USP15: variants seen among roughly 807,000 people sequenced by gnomAD.
The protein encoded by USP15 is ubiquitin specific peptidase 15.
A neutral mutation model predicts 127.1 loss-of-function variants in USP15; 18 were observed. The ratio of observed to expected loss-of-function variants is 0.14; its 90% CI spans 0.10 to 0.21. The LOEUF (loss-of-function observed/expected upper bound fraction) is 0.21, where lower values mean the gene tolerates loss of function less well. Among genes scored for constraint, USP15 ranks in the 10% least tolerant of loss-of-function variants. The pLI is 1.00. For missense variants in USP15, 805 were observed against 1,159.9 expected (o/e 0.69, Z 4.44); for synonymous variants, 364 against 393.7 (o/e 0.92, Z 0.89).
chr12:62,309,101 A>G (rs1229626979), intron 3 of USP15, among the ~76,000 whole-genome samples: 1 of 152,126 alleles, frequency 6.6e-6, no homozygotes, highest in African/African-American at 2.4e-5. Flanking sequence ...CAAAATAGAA[A>G]ACAAACCTAC....
chr12:62,404,210 A>T lies in USP15; in HGVS notation c.2781A>T (p.Val927=), dbSNP rs187705292. Reference sequence around the variant, plus strand: ...TTTGACAGTCCAAAGCAGCATATGTACTCTTCTACCAGAGACAAGACACTT... The same window carrying T: ...TTTGACAGTCCAAAGCAGCATATGTTCTCTTCTACCAGAGACAAGACACTT... The part of the protein sequence containing the change: ...EDQIVSKAAY[V]LFYQRQDTFS... The change falls in exon 22 of 22, where the codon GTA becomes GTT. Residue 927 remains valine, a synonymous_variant. Coordinates refer to ENST00000280377, the MANE Select transcript of USP15 (RefSeq NM_001252078.2). 4.3e-6 allele frequency: 7 copies of T among 1,612,442 alleles called. No homozygotes were observed. In the Admixed American group the frequency reaches 1.2e-4, roughly 27 times the overall value.
intron 8 of USP15, among the ~76,000 whole-genome samples, chr12:62,380,431 A>C (rs2066957477): frequency 6.6e-6 from 1 of 152,062 alleles, no homozygotes; most frequent in South Asian, 2.1e-4. Context: ...GTGTGAATTC[A>C]ACAGGCTGAA....
chr12:62,404,206 A>G lies in USP15; in HGVS notation c.2777A>G (p.Tyr926Cys). The G allele has an allele frequency of 6.2e-7, 1 of 1,612,460 alleles. No homozygotes were observed. The highest frequency in any genetic ancestry group is 8.5e-7 in the Non-Finnish European group (1 of 1,179,076). The part of the protein sequence containing the change: ...SEDQIVSKAA[Y>C]VLFYQRQDTF... ...TTGTTTTGACAGTCCAAAGCAGCAT[A>G]TGTACTCTTCTACCAGAGACAAGAC... Residue 926 changes from tyrosine to cysteine, a missense_variant, in exon 22 of 22, where the codon TAT (tyrosine) becomes TGT (cysteine). Coordinates refer to ENST00000280377, the MANE Select transcript of USP15 (RefSeq NM_001252078.2).
intron 1 of USP15, among the ~76,000 whole-genome samples, chr12:62,286,205 TA>T (rs1267950429): frequency 6.6e-6 from 1 of 151,946 alleles, no homozygotes; most frequent in East Asian, 1.9e-4. Context: ...AAACGCCCAT[TA>T]AAAAGTGGAC....
chr12:62,395,981 G>A (rs149114512), intron 19 of USP15, among the ~76,000 whole-genome samples: 149 of 152,066 alleles, frequency 9.8e-4, no homozygotes, highest in Middle Eastern at 3.4e-3. Flanking sequence ...GTTAGCTGTT[G>A]TGACCATTGC....
chr12:62,411,013 A>AC lies in USP15; in HGVS notation c.*6640dup, dbSNP rs2068027390. Reference sequence around the variant, plus strand: ...CACCTTGGTTGCAACACCATGAAAGACCTTGATCCAGAGGTTCTCAGCAAG... The same window carrying AC: ...CACCTTGGTTGCAACACCATGAAAGACCCTTGATCCAGAGGTTCTCAGCAAG... On this transcript the variant is annotated 3_prime_UTR_variant, in exon 22 of 22. Transcript: ENST00000280377. The AC allele has an allele frequency of 6.6e-6, 1 of 152,132 alleles. No homozygotes were observed. Among genetic ancestry groups the AC allele is most frequent in the Non-Finnish European group, 1.5e-5 (1 of 68,014 alleles). The allele number at this position is 152,132 out of a possible 1,614,324, so 9.4% of individuals were successfully genotyped here. A position where few individuals can be genotyped will look rare whatever the true frequency, so the allele number is the denominator to read the frequency against.
chr12:62,402,482 G>T (rs1046364607), intron 21 of USP15, among the ~76,000 whole-genome samples: 5 of 152,014 alleles, frequency 3.3e-5, no homozygotes, highest in African/African-American at 1.2e-4. Context: ...GCACAGGGAA[G>T]TTCATGTGGT....
At chr12:62,359,849 C>T (rs1428266193) in intron 8 of USP15, among the ~76,000 whole-genome samples, 1 of 152,110 alleles carries the variant, frequency 6.6e-6, no homozygotes, top group Non-Finnish European at 1.5e-5. Context: ...TTGGTTACCC[C>T]TAGCCCCTGC....
rs1241211865 is a variant in USP15 at position 62,413,114 on chromosome 12, G to T, written c.*8739G>T. ...TCTCCATAGAGCTCTTGGGTGACCA[G>T]GTGCACTTGTCAATGAGCAGTAATA... On this transcript the variant is annotated 3_prime_UTR_variant, in exon 22 of 22. Coordinates refer to ENST00000280377, the MANE Select transcript of USP15 (RefSeq NM_001252078.2). 2 of 152,158 alleles carry T rather than the reference G, an allele frequency of 1.3e-5. No homozygotes were observed. Among genetic ancestry groups the T allele is most frequent in the Non-Finnish European group, 2.9e-5 (2 of 68,036 alleles). The allele number at this position is 152,158 out of a possible 1,614,324, so 9.4% of individuals were successfully genotyped here.
intron 5 of USP15, among the ~76,000 whole-genome samples, chr12:62,322,918 T>C (rs2065025290): frequency 6.6e-6 from 1 of 152,206 alleles, no homozygotes; most frequent in Non-Finnish European, 1.5e-5. Context: ...TGATGTGTTA[T>C]TCCATCTGCC....
intron 19 of USP15, among the ~76,000 whole-genome samples, chr12:62,394,054 G>A (rs991514203): frequency 2.0e-5 from 3 of 152,058 alleles, no homozygotes; most frequent in Admixed American, 1.3e-4. Context: ...CACCTTGAAC[G>A]TACCCTGATC....
chr12:62,275,396 C>G (rs961516435), intron 1 of USP15, among the ~76,000 whole-genome samples: 5 of 150,758 alleles, frequency 3.3e-5, no homozygotes, highest in Admixed American at 2.0e-4. Context: ...GTATCACCCC[C>G]CCACCCAAAA....
intron 1 of USP15, among the ~76,000 whole-genome samples, chr12:62,260,849 A>G (rs2063029899): frequency 6.6e-6 from 1 of 151,748 alleles, no homozygotes; most frequent in South Asian, 2.1e-4. Flanking sequence ...AGTCTTATAT[A>G]CGCCGTTTTG....
At chr12:62,374,376 C>G in intron 8 of USP15, 3 of 985,608 alleles carry the variant, frequency 3.0e-6, no homozygotes, top group Non-Finnish European at 3.6e-6. Context: ...AGTTTGTTTT[C>G]TTTCCTGTTC....
chr12:62,303,736 A>G (rs1253902762), intron 3 of USP15: 1 of 152,166 alleles, frequency 6.6e-6, no homozygotes, highest in Non-Finnish European at 1.5e-5. Context: ...CATGTTAACA[A>G]TTTGTATTTG....
In USP15 at chr12:62,411,940, C is replaced by T. The variant is rs776015437; in HGVS notation, c.*7565C>T. ...TGACCTCATCTAAACCTAATTATCT[C>T]CTAAAGACTTCCTCTCCAAATACTA... On this transcript the variant is annotated 3_prime_UTR_variant, in exon 22 of 22. Coordinates refer to ENST00000280377, the MANE Select transcript of USP15 (RefSeq NM_001252078.2). 1 of 152,126 alleles carries T rather than the reference C, an allele frequency of 6.6e-6. No homozygotes were observed. The highest frequency in any genetic ancestry group is 1.5e-5 in the Non-Finnish European group (1 of 68,042). The allele number at this position is 152,126 out of a possible 1,614,324, so 9.4% of individuals were successfully genotyped here. A position where few individuals can be genotyped will look rare whatever the true frequency, so the allele number is the denominator to read the frequency against.
intron 6 of USP15, among the ~76,000 whole-genome samples, chr12:62,340,949 G>A (rs2065627225): frequency 6.6e-6 from 1 of 152,150 alleles, no homozygotes; most frequent in South Asian, 2.1e-4. Flanking sequence ...CTATCTCATT[G>A]ATCTGTCTAG....
chr12:62,289,673 T>C (rs2063896049), intron 1 of USP15, among the ~76,000 whole-genome samples: 1 of 149,918 alleles, frequency 6.7e-6, no homozygotes, highest in Non-Finnish European at 1.5e-5. Context: ...TCTGTTTCAT[T>C]GGGTGTGACA....
intron 8 of USP15, among the ~76,000 whole-genome samples, chr12:62,361,862 G>T (rs2066329079): frequency 6.6e-6 from 1 of 151,984 alleles, no homozygotes; most frequent in Non-Finnish European, 1.5e-5. Context: ...AGGGGAGAGG[G>T]TCAGTGAGTT....
Sources: allele counts gnomAD v4.1 joint callset (sites outside exome capture counted in the v4.1 genomes callset), GRCh38; gene constraint gnomAD v4.1.1; transcripts MANE v1.5; gene names NCBI Gene and HGNC (gene_info 2026-07-23, HGNC 2026-07-21).